Variants in PLXNA1 observed in about 807,000 individuals in gnomAD.
PLXNA1 encodes plexin A1.
A neutral mutation model predicts 191.7 loss-of-function variants in PLXNA1; 77 were observed. That is an observed-to-expected ratio of 0.40 (90% CI 0.33 to 0.49). The LOEUF is 0.49. Among genes scored for constraint, PLXNA1 ranks in the 20% least tolerant of loss-of-function variants. The probability of loss-of-function intolerance (pLI) is 0.63; values close to 1 mark genes in which losing one functional copy is unlikely to be tolerated. For missense variants in PLXNA1, 2,110 were observed against 2,660.2 expected (o/e 0.79, Z 4.55); for synonymous variants, 1,137 against 1,156.4 (o/e 0.98, Z 0.34).
At chr3:127,017,273 C>A in intron 17 of PLXNA1, 152 bp from the exon 18 acceptor site, 1 of 1,193,036 alleles carries the variant, frequency 8.4e-7, no homozygotes. Context: ...TGTCCCTGGT[C>A]CACGTCGGGT....
chr3:127,015,068 G>A, intron 14 of PLXNA1, 116 bp from the exon 15 acceptor site: 1 of 1,448,440 alleles, frequency 6.9e-7, no homozygotes, highest in Non-Finnish European at 9.3e-7. Context: ...TCCCGGGCAT[G>A]CGGGCTCCTA....
intron 3 of PLXNA1, among the ~76,000 whole-genome samples, chr3:126,999,770 T>G (rs1239017576): frequency 6.6e-6 from 1 of 151,754 alleles, no homozygotes; most frequent in Non-Finnish European, 1.5e-5. Flanking sequence ...GGCAAAGGGG[T>G]GAACCTGCTC....
intron 3 of PLXNA1, among the ~76,000 whole-genome samples, chr3:127,002,714 A>G (rs571685331): frequency 1.3e-5 from 2 of 152,366 alleles, no homozygotes; most frequent in East Asian, 3.9e-4. Context: ...GGTAAAAGCA[A>G]CTAAAAATAC....
chr3:127,011,836 A>G, intron 9 of PLXNA1, 122 bp from the exon 10 acceptor site: 1 of 928,784 alleles, frequency 1.1e-6, no homozygotes, highest in South Asian at 1.5e-5. Context: ...CAGTGCATAA[A>G]ATGGGCACAT....
At position 127,014,746 on chromosome 3, in the gene PLXNA1, G is replaced by C; in HGVS notation, c.2792G>C (p.Arg931Pro). 1 of 1,612,254 alleles carries C rather than the reference G, an allele frequency of 6.2e-7. No homozygotes were observed. Among genetic ancestry groups the C allele is most frequent in the Admixed American group, 1.7e-5 (1 of 59,984 alleles). ...VCEIGDASSV[R>P]AHDALVEVCV... ...GAGATCGGGGACGCCAGCTCCGTGCGTGCCCATGACGCCCTGGTGGAGGTG... is the reference window on the plus strand; with the variant it reads ...GAGATCGGGGACGCCAGCTCCGTGCCTGCCCATGACGCCCTGGTGGAGGTG... The change falls in exon 14 of 32, where the codon CGT becomes CCT. Residue 931 changes from arginine (R) to proline (P), a missense_variant. This residue lies in a region of PLXNA1 where 644 missense variants were observed against 714.3 expected (regional missense o/e 0.90). Coordinates refer to ENST00000393409, the MANE Select transcript of PLXNA1 (RefSeq NM_032242.4).
At chr3:127,033,864 C>A in intron 31 of PLXNA1, 58 bp from the exon 32 acceptor site, 1 of 1,451,234 alleles carries the variant, frequency 6.9e-7, no homozygotes, top group South Asian at 1.3e-5. Context: ...TGCCCTGGGC[C>A]TGCTGAGTGC....
At chr3:127,002,537 G>A (rs1484951551) in intron 3 of PLXNA1, among the ~76,000 whole-genome samples, 1 of 152,226 alleles carries the variant, frequency 6.6e-6, no homozygotes, top group Non-Finnish European at 1.5e-5. Context: ...GCCCTGAGGT[G>A]GAAGTGGAGA....
rs748559072 is a variant in PLXNA1 at position 127,020,361 on chromosome 3, CG to C, written c.4038+23del. On this transcript the variant is annotated intron_variant, in intron 21 of 31. Coordinates refer to ENST00000393409, the MANE Select transcript of PLXNA1 (RefSeq NM_032242.4). ...GAGATGGAGGTAGGACCACTGGCTCCGGGGGGTCACAGGAACTCAGAGGCAG... is the reference window on the plus strand; with the variant it reads ...GAGATGGAGGTAGGACCACTGGCTCCGGGGGTCACAGGAACTCAGAGGCAG... 4 of 1,610,506 alleles carry C rather than the reference CG, an allele frequency of 2.5e-6. No homozygotes were observed. Among genetic ancestry groups the C allele is most frequent in the Admixed American group, 1.7e-5 (1 of 59,872 alleles).
intron 15 of PLXNA1, 131 bp downstream of exon 15, chr3:127,015,451 A>G (rs2079118349): frequency 8.2e-7 from 1 of 1,225,622 alleles, no homozygotes; most frequent in Admixed American, 2.9e-5. Context: ...TGAAACCCAG[A>G]GGCGGAGGTT....
chr3:126,988,761 G>A lies in PLXNA1; in HGVS notation c.168G>A (p.Val56=), dbSNP rs369333170. 1.1e-4 allele frequency: 178 copies of A among 1,601,894 alleles called. 1 individual carries two copies. In the South Asian group the frequency reaches 1.9e-3, roughly 17 times the overall value. The change falls in exon 2 of 32, where the codon GTG becomes GTA. Residue 56 remains valine, a synonymous_variant. Transcript: ENST00000393409. The part of the protein sequence containing the change: ...ASDWGLTHLV[V]HEQTGEVYVG... ...ACTGGGGCCTCACCCACCTAGTGGTGCATGAGCAGACAGGCGAGGTGTATG... is the reference window on the plus strand; with the variant it reads ...ACTGGGGCCTCACCCACCTAGTGGTACATGAGCAGACAGGCGAGGTGTATG...
chr3:126,985,384 G>GCTCTGC (rs1553765064), intron 1 of PLXNA1, among the ~76,000 whole-genome samples: 8 of 151,998 alleles, frequency 5.3e-5, no homozygotes, highest in African/African-American at 1.9e-4. Flanking sequence ...CCTGGCTCTG[G>GCTCTGC]CTCTGCCTCA....
chr3:126,986,417 C>T (rs1027178248), intron 1 of PLXNA1, among the ~76,000 whole-genome samples: 1 of 152,256 alleles, frequency 6.6e-6, no homozygotes, highest in Non-Finnish European at 1.5e-5. Context: ...CTCTTTGCTT[C>T]TGAGAGCCTC....
At chr3:126,989,919 C>T in intron 2 of PLXNA1, 132 bp downstream of exon 2, 1 of 776,462 alleles carries the variant, frequency 1.3e-6, no homozygotes, top group Non-Finnish European at 2.1e-6. Context: ...ATCCCCATGG[C>T]TCAGCTAGGT....
At position 127,025,736 on chromosome 3, in the gene PLXNA1, A is replaced by T. The variant is rs2079173737; in HGVS notation, c.4363-2204A>T. ...TGGCTGGCTTAATTTCATCAGCTTAATGGGGAAGCAATCCAGGTGTCCATC... is the reference window on the plus strand; with the variant it reads ...TGGCTGGCTTAATTTCATCAGCTTATTGGGGAAGCAATCCAGGTGTCCATC... On this transcript the variant is annotated intron_variant, in intron 23 of 31. Transcript: ENST00000393409. Among the ~76,000 whole-genome samples, 3 of 152,338 alleles carry T rather than the reference A, an allele frequency of 2.0e-5. No individual in the cohort carries two copies. The South Asian group carries it at 6.2e-4, about 32-fold the overall frequency.
intron 3 of PLXNA1, 79 bp downstream of exon 3, chr3:126,991,645 C>T: frequency 9.3e-6 from 13 of 1,403,198 alleles, no homozygotes; most frequent in African/African-American, 1.4e-5. Context: ...GTGGCAGGCC[C>T]AGTGCTGCTG....
At chr3:127,027,084 G>A (rs1303157848) in intron 23 of PLXNA1, 2 of 164,842 alleles carry the variant, frequency 1.2e-5, no homozygotes, top group African/African-American at 2.4e-5. Context: ...GAGACTCAGC[G>A]AGGCAGTGGT....
chr3:127,016,739 C>A, intron 16 of PLXNA1, 55 bp downstream of exon 16: 1 of 1,590,138 alleles, frequency 6.3e-7, no homozygotes, highest in Admixed American at 1.7e-5. Flanking sequence ...CAGCGCTGAG[C>A]CAGGAGCTCT....
Position 127,032,506 on chromosome 3 carries a change from G to A in PLXNA1, c.5351G>A (p.Cys1784Tyr). Reference sequence around the variant, plus strand: ...GTGGCCCAGACCTTCATGGACTCCTGCTCCACCTCTGAGCACAAGCTGGGC... The same window carrying A: ...GTGGCCCAGACCTTCATGGACTCCTACTCCACCTCTGAGCACAAGCTGGGC... The part of the protein sequence containing the change: ...SVVAQTFMDS[C>Y]STSEHKLGKD... The change falls in exon 30 of 32, where the codon TGC (cysteine) becomes TAC (tyrosine). Residue 1784 changes from cysteine (C) to tyrosine (Y), a missense_variant. By Grantham distance (194) the Cys-to-Tyr change is radical. Transcript: ENST00000393409. 1 of 1,614,054 alleles carries A rather than the reference G, an allele frequency of 6.2e-7. No homozygotes were observed.
chr3:127,015,302 G>GA lies in PLXNA1; in HGVS notation c.2996_2997insA (p.Pro1000AlafsTer11). ...GATGTGGCTGTGTCGGTCGGTGGCC[G>GA]GCCCTGCTCCTTCTCCTGGTACGGG... On this transcript the variant is annotated frameshift_variant, in exon 15 of 32. Transcript: ENST00000393409. LOFTEE classifies it high-confidence loss of function. 1 of 1,608,082 alleles carries GA rather than the reference G, an allele frequency of 6.2e-7. No homozygotes were observed. Among genetic ancestry groups the GA allele is most frequent in the Non-Finnish European group, 8.5e-7 (1 of 1,178,782 alleles).
Sources: gnomAD v4.1 joint callset for allele counts (sites outside exome capture counted in the v4.1 genomes callset) on GRCh38, gnomAD v4.1.1 for gene constraint, gnomAD v4.1.1 regional missense constraint, MANE v1.5 for transcripts, NCBI Gene and HGNC (gene_info 2026-07-23, HGNC 2026-07-21) for gene names.